Variants in XPR1 observed in about 807,000 individuals in gnomAD.
XPR1 encodes solute carrier family 53 member 1.
Under a neutral mutation model 87.5 loss-of-function variants are expected in XPR1, and 28 were observed. That is an observed-to-expected ratio of 0.32 (90% confidence interval 0.24 to 0.44). XPR1 has a LOEUF of 0.44. Ranked by LOEUF, XPR1 falls within the 20% of genes least tolerant of loss-of-function variation. The pLI is 1.00. For synonymous variants in XPR1, 300 were observed against 306.1 expected, an observed-to-expected ratio of 0.98 and a Z score of 0.21; for missense variants, 559 against 862.3, an observed-to-expected ratio of 0.65 and a Z score of 4.41.
chr1:180,795,806 CTTAT>C (rs569429051), intron 3 of XPR1, among the ~76,000 whole-genome samples: 1 of 151,948 alleles, frequency 6.6e-6, no homozygotes, highest in Non-Finnish European at 1.5e-5. Context: ...CACTCATTCA[CTTAT>C]TTATTTATTT....
chr1:180,788,651 A>G (rs1025892945), intron 3 of XPR1, among the ~76,000 whole-genome samples: 5 of 152,202 alleles, frequency 3.3e-5, no homozygotes, highest in Admixed American at 3.3e-4. Flanking sequence ...TTCCCTGAGC[A>G]GTAATTGATG....
intron 11 of XPR1, among the ~76,000 whole-genome samples, chr1:180,857,363 C>T (rs1042190733): frequency 1.3e-5 from 2 of 152,116 alleles, no homozygotes; most frequent in Non-Finnish European, 2.9e-5. Context: ...TCTACCCCTA[C>T]GAAATAGGAG....
chr1:180,806,235 A>G (rs1233523621), intron 5 of XPR1, 24 bp downstream of exon 5: 3 of 1,605,194 alleles, frequency 1.9e-6, no homozygotes, highest in East Asian at 2.2e-5. Flanking sequence ...GTTTATTTAC[A>G]ACGTATTTTC....
chr1:180,697,291 G>A (rs1657203181), intron 2 of XPR1, among the ~76,000 whole-genome samples: 1 of 151,966 alleles, frequency 6.6e-6, no homozygotes, highest in African/African-American at 2.4e-5. Context: ...TAATAAGTTT[G>A]TATTTCTGTG....
chr1:180,828,405 A>G (rs2102157257), intron 9 of XPR1, among the ~76,000 whole-genome samples: 1 of 152,316 alleles, frequency 6.6e-6, no homozygotes, highest in Non-Finnish European at 1.5e-5. Context: ...TTAAATCTAT[A>G]TTTACCTCAA....
At chr1:180,834,056 G>A (rs1272335709) in intron 9 of XPR1, among the ~76,000 whole-genome samples, 1 of 151,748 alleles carries the variant, frequency 6.6e-6, no homozygotes, top group South Asian at 2.1e-4. Flanking sequence ...AGTCACAAGT[G>A]TTTGACTTAG....
chr1:180,836,487 TC>T, intron 10 of XPR1, 34 bp from the exon 11 acceptor site: 1 of 1,612,118 alleles, frequency 6.2e-7, no homozygotes, highest in Non-Finnish European at 8.5e-7. Flanking sequence ...TTACTTTTTT[TC>T]AATGGTAATT....
chr1:180,670,275 C>T (rs1557948858), intron 1 of XPR1, among the ~76,000 whole-genome samples: 1 of 152,124 alleles, frequency 6.6e-6, no homozygotes, highest in East Asian at 1.9e-4. Context: ...TTCCAATTTT[C>T]TATATTCTTT....
rs138075422 is a variant in XPR1, at chr1:180,840,813, A to G, written c.1501+4097A>G. Among the ~76,000 whole-genome samples, 438 of 152,158 alleles carry G rather than the reference A, an allele frequency of 2.9e-3. 3 individuals are homozygous for G. The highest frequency in any genetic ancestry group is 9.6e-3 in the African/African-American group (397 of 41,524). ...TATATATGTATATATGTCCATGTGT[A>G]AGCACCTCGTTCCTTCATTCTAGTT... On this transcript the variant is annotated intron_variant, in intron 11 of 14. Transcript: ENST00000367590.
intron 2 of XPR1, among the ~76,000 whole-genome samples, chr1:180,759,963 G>A (rs550647602): frequency 5.9e-5 from 9 of 152,182 alleles, no homozygotes; most frequent in Middle Eastern, 6.8e-3. Flanking sequence ...TTCAACATAC[G>A]CAAATCAATA....
intron 14 of XPR1, 80 bp downstream of exon 14, chr1:180,880,377 A>T (rs1395973577): frequency 1.3e-6 from 2 of 1,511,428 alleles, no homozygotes; most frequent in East Asian, 4.6e-5. Context: ...AAAAGCTATC[A>T]GGTTGAACCA....
chr1:180,809,676 G>A (rs966419435), intron 6 of XPR1, among the ~76,000 whole-genome samples: 5 of 152,072 alleles, frequency 3.3e-5, no homozygotes, highest in Admixed American at 6.6e-5. Flanking sequence ...TCTCTGGTGC[G>A]GAGGGAAGGT....
intron 12 of XPR1, among the ~76,000 whole-genome samples, chr1:180,873,299 G>A (rs924413884): frequency 6.6e-6 from 1 of 152,100 alleles, no homozygotes; most frequent in African/African-American, 2.4e-5. Context: ...ATTCAACCAC[G>A]GTTGTGAAAT....
At chr1:180,789,299 T>C (rs943491219) in intron 3 of XPR1, among the ~76,000 whole-genome samples, 17 of 152,226 alleles carry the variant, frequency 1.1e-4, no homozygotes, top group African/African-American at 3.9e-4. Flanking sequence ...ATTTTTCATA[T>C]CATGCTGGAT....
At chr1:180,653,756 A>G (rs1011643724) in intron 1 of XPR1, among the ~76,000 whole-genome samples, 3 of 152,238 alleles carry the variant, frequency 2.0e-5, no homozygotes, top group Non-Finnish European at 4.4e-5. Flanking sequence ...ATTACTGAGT[A>G]AAGTAATGGT....
chr1:180,663,041 C>T (rs1319375399), intron 1 of XPR1, among the ~76,000 whole-genome samples: 1 of 152,096 alleles, frequency 6.6e-6, no homozygotes, highest in African/African-American at 2.4e-5. Flanking sequence ...TCTGCTTTAT[C>T]TTGAATTTCT....
chr1:180,641,593 T>G (rs1421459520), intron 1 of XPR1, among the ~76,000 whole-genome samples: 1 of 152,188 alleles, frequency 6.6e-6, no homozygotes, highest in African/African-American at 2.4e-5. Flanking sequence ...AGAATTGAGG[T>G]GAAATTTGCA....
At chr1:180,811,116 G>A (rs978589652) in intron 6 of XPR1, among the ~76,000 whole-genome samples, 8 of 151,518 alleles carry the variant, frequency 5.3e-5, no homozygotes, top group African/African-American at 9.7e-5. Flanking sequence ...TTCAATACAC[G>A]GTTGATTCCT....
intron 11 of XPR1, among the ~76,000 whole-genome samples, chr1:180,849,794 A>T (rs1196533797): frequency 2.0e-5 from 3 of 152,176 alleles, no homozygotes; most frequent in African/African-American, 7.2e-5. Flanking sequence ...TTAAGGACAT[A>T]TGTGTAAGTT....
Sources: gnomAD v4.1 joint callset for allele counts (sites outside exome capture counted in the v4.1 genomes callset) on GRCh38, gnomAD v4.1.1 for gene constraint, MANE v1.5 for transcripts, NCBI Gene and HGNC (gene_info 2026-07-23, HGNC 2026-07-21) for gene names.